The following OR13C3 variants were observed in gnomAD, a reference collection of about 807,000 sequenced individuals.
The protein encoded by OR13C3 is olfactory receptor family 13 subfamily C member 3, also known as olfactory receptor 13C3.
A neutral mutation model predicts 14.4 loss-of-function variants in OR13C3; 19 were observed. The observed-to-expected ratio is 1.31, with a 90% CI of 0.92 to 1.93. The LOEUF is 1.93. Ranked by LOEUF, OR13C3 falls within the 30% of genes most tolerant of loss-of-function variation. The pLI is 0.00. For synonymous variants in OR13C3, 140 were observed against 142.5 expected, an observed-to-expected ratio of 0.98 and a Z score of 0.12; for missense variants, 394 against 381.4, an observed-to-expected ratio of 1.03 and a Z score of -0.27.
exon 1 of OR13C3, chr9:104,536,673 A>G (rs1828822850): frequency 6.2e-7 from 1 of 1,613,972 alleles, no homozygotes; most frequent in Non-Finnish European, 8.5e-7. Context: ...GGTATCCAGA[A>G]AGACCCAGAA....
At chr9:104,536,482 G>A (rs770850139) in exon 1 of OR13C3, 3 of 1,614,160 alleles carry the variant, frequency 1.9e-6, no homozygotes, top group Non-Finnish European at 2.5e-6. Flanking sequence ...GCTCACCAAT[G>A]TTGAGGGAAC....
At chr9:104,536,820 G>T in exon 1 of OR13C3, 1 of 1,597,868 alleles carries the variant, frequency 6.3e-7, no homozygotes, top group South Asian at 1.1e-5. Flanking sequence ...TCATTCTTTT[G>T]ACACATATTA....
At chr9:104,535,859 G>A (rs772298871) in exon 1 of OR13C3, 1 of 1,612,758 alleles carries the variant, frequency 6.2e-7, no homozygotes, top group African/African-American at 1.3e-5. Flanking sequence ...TTCAGCATGG[G>A]TGTCACTACC....
Position 104,536,579 on chromosome 9 carries a change from TG to T in OR13C3, c.144del (p.Ser49AlafsTer35). ...GTGTGAAAATGAGAATCAAAGATGC[TG>T]GCTATGATTAGAACACCATTGCCAA... On this transcript the variant is annotated frameshift_variant, in exon 1 of 1. Coordinates refer to ENST00000641090, the Ensembl canonical transcript of OR13C3. LOFTEE classifies it high-confidence loss of function. The T allele has an allele frequency of 1.9e-6, 3 of 1,614,070 alleles. No individual in the cohort carries two copies. The highest frequency in any genetic ancestry group is 2.5e-6 in the Non-Finnish European group (3 of 1,179,912).
exon 1 of OR13C3, chr9:104,535,829 T>C (rs1220993440): frequency 9.9e-6 from 16 of 1,613,422 alleles, no homozygotes; most frequent in Non-Finnish European, 1.4e-5. Context: ...TCCTTATTTC[T>C]CAAGCTATAG....
chr9:104,536,076 G>C (rs1244280737), exon 1 of OR13C3: 4 of 1,613,738 alleles, frequency 2.5e-6, no homozygotes, highest in Non-Finnish European at 3.4e-6. Context: ...ACATATAGGA[G>C]AAAAAAATGA....
chr9:104,536,111 C>A, exon 1 of OR13C3: 7 of 1,613,650 alleles, frequency 4.3e-6, no homozygotes, highest in Non-Finnish European at 5.9e-6. Flanking sequence ...ACCAGGAAGG[C>A]CATATTTGAT....
In OR13C3 at chr9:104,535,841, G is replaced by T. The variant is rs748033135; in HGVS notation, c.883C>A (p.Leu295Ile). 3.0e-5 allele frequency: 48 copies of T among 1,613,498 alleles called. No homozygotes were observed. The Admixed American group carries it at 5.8e-4, about 20-fold the overall frequency. The change falls in exon 1 of 1, where the codon CTC becomes ATC. Residue 295 changes from leucine (L) to isoleucine (I), a missense_variant. Physicochemically the swap from Leu to Ile is conservative, Grantham distance 5 (BLOSUM62 2). Coordinates refer to ENST00000641090, the Ensembl canonical transcript of OR13C3. ...ACATCCTTATTTCTCAAGCTATAGA[G>T]TATAGGATTCAGCATGGGTGTCACT... is the stretch of plus-strand genomic sequence containing the variant.
exon 1 of OR13C3, chr9:104,536,798 T>G: frequency 6.2e-7 from 1 of 1,610,034 alleles, no homozygotes; most frequent in South Asian, 1.1e-5. Context: ...ACAGTACAAA[T>G]TAACTGAACA....
chr9:104,536,206 A>G lies in OR13C3; in HGVS notation c.518T>C (p.Ile173Thr), dbSNP rs761825669. 6.2e-7 allele frequency: 1 copy of G among 1,614,126 alleles called. No individual in the cohort carries two copies. Among genetic ancestry groups the G allele is most frequent in the Admixed American group, 1.7e-5 (1 of 60,010 alleles). ...TATTTCACATGCGAAATGATTGATA[A>G]TATTATTCCCACAGAAAGGCAGTCT... Residue 173 changes from isoleucine to threonine, a missense_variant, in exon 1 of 1, where the codon ATT becomes ACT. Transcript: ENST00000641090.
exon 1 of OR13C3, chr9:104,536,229 T>A: frequency 6.2e-7 from 1 of 1,614,066 alleles, no homozygotes; most frequent in Non-Finnish European, 8.5e-7. Flanking sequence ...AGAAAGGCAG[T>A]CTCATGGCAA....
chr9:104,536,157 A>C, exon 1 of OR13C3: 1 of 1,614,112 alleles, frequency 6.2e-7, no homozygotes, highest in Non-Finnish European at 8.5e-7. Context: ...ATATATCAGC[A>C]CAGGCCAGCT....
exon 1 of OR13C3, chr9:104,536,135 T>C (rs1224290594): frequency 6.2e-7 from 1 of 1,613,900 alleles, no homozygotes; most frequent in Admixed American, 1.7e-5. Flanking sequence ...ACCATGGTGA[T>C]AATATTGAGG....
At chr9:104,536,259 A>C in exon 1 of OR13C3, 1 of 1,614,134 alleles carries the variant, frequency 6.2e-7, no homozygotes, top group Non-Finnish European at 8.5e-7. Flanking sequence ...GCACAGCTGA[A>C]TTTATTCCAC....
chr9:104,536,778 C>T, exon 1 of OR13C3: 1 of 1,613,368 alleles, frequency 6.2e-7, no homozygotes, highest in South Asian at 1.1e-5. Context: ...TATTTACTGC[C>T]AAGAAACAAA....
chr9:104,535,853 G>A, exon 1 of OR13C3: 1 of 1,612,882 alleles, frequency 6.2e-7, no homozygotes, highest in Non-Finnish European at 8.5e-7. Flanking sequence ...ATAGGATTCA[G>A]CATGGGTGTC....
At chr9:104,536,548 A>C (rs755706586) in exon 1 of OR13C3, 1 of 1,614,054 alleles carries the variant, frequency 6.2e-7, no homozygotes, top group Non-Finnish European at 8.5e-7. Flanking sequence ...GAAGAAGTAC[A>C]TTGGTGTGTG....
chr9:104,536,098 A>G, exon 1 of OR13C3: 1 of 1,614,018 alleles, frequency 6.2e-7, no homozygotes, highest in South Asian at 1.1e-5. Context: ...CATCAGTGGA[A>G]GAACCAGGAA....
At chr9:104,535,997 C>T (rs142245627) in exon 1 of OR13C3, 2 of 1,613,818 alleles carry the variant, frequency 1.2e-6, no homozygotes, top group African/African-American at 2.7e-5. Context: ...GTCAGGTGAG[C>T]TGAGCACGTG....
Sources: gnomAD v4.1 joint callset for allele counts on GRCh38, gnomAD v4.1.1 for gene constraint, MANE v1.5 for transcripts, NCBI Gene and HGNC (gene_info 2026-07-23, HGNC 2026-07-21) for gene names.